The following FSTL4 variants were observed in gnomAD, a reference collection of about 807,000 sequenced individuals.
FSTL4 encodes the protein follistatin like 4.
FSTL4 carries 28 observed loss-of-function variants against 78.2 expected under a neutral mutation model. The observed-to-expected ratio is 0.36, with a 90% CI of 0.27 to 0.49. The LOEUF is 0.49. Ranked by LOEUF, FSTL4 falls within the 20% of genes least tolerant of loss-of-function variation. FSTL4 has a pLI of 0.98. For missense variants in FSTL4, 922 were observed against 1,084.9 expected, an observed-to-expected ratio of 0.85 and a Z score of 2.11; for synonymous variants, 422 against 440.5, an observed-to-expected ratio of 0.96 and a Z score of 0.53.
intron 3 of FSTL4, among the ~76,000 whole-genome samples, chr5:133,517,447 A>AAAAAAAAATATATATATATATAT (rs1554068019): frequency 6.1e-5 from 1 of 16,402 alleles, no homozygotes; most frequent in Non-Finnish European, 1.0e-4. Flanking sequence ...AAAAAAAAAA[A>AAAAAAAAATATATATATATATAT]ATATATATAT....
chr5:133,464,415 A>G (rs1757659028), intron 3 of FSTL4, among the ~76,000 whole-genome samples: 1 of 152,070 alleles, frequency 6.6e-6, no homozygotes, highest in Admixed American at 6.5e-5. Flanking sequence ...CCCAAACAAA[A>G]CCATAGCCCA....
intron 7 of FSTL4, chr5:133,247,306 A>C (rs148041646): frequency 3.2e-4 from 49 of 152,374 alleles, no homozygotes; most frequent in African/African-American, 1.1e-3. Flanking sequence ...AAAAGTAGAA[A>C]TGCAATTGAG....
rs183682714 is a variant in FSTL4, at chr5:133,502,904, C to T, written c.160+64282G>A. ...ACTCTCACACAGCACTGAATTCTTTCGATTGATTTTAACTTTGTAAGTCCC... is the reference window on the plus strand; with the variant it reads ...ACTCTCACACAGCACTGAATTCTTTTGATTGATTTTAACTTTGTAAGTCCC... On this transcript the variant is annotated intron_variant, in intron 3 of 15. Coordinates refer to ENST00000265342, the MANE Select transcript of FSTL4 (RefSeq NM_015082.2). Among the ~76,000 whole-genome samples, 19 of 152,246 alleles carry T rather than the reference C, an allele frequency of 1.2e-4. No homozygotes were observed. In the East Asian group the frequency reaches 3.1e-3, roughly 25 times the overall value.
At chr5:133,555,576 T>C (rs978085435) in intron 3 of FSTL4, among the ~76,000 whole-genome samples, 2 of 152,224 alleles carry the variant, frequency 1.3e-5, no homozygotes, top group Admixed American at 6.5e-5. Context: ...CCGGTTACAC[T>C]ATTTGAATGT....
intron 3 of FSTL4, among the ~76,000 whole-genome samples, chr5:133,464,854 T>G (rs1321763100): frequency 2.6e-5 from 4 of 152,180 alleles, no homozygotes; most frequent in Admixed American, 6.5e-5. Flanking sequence ...CAACTAGTAA[T>G]TTAAGTGGGA....
At chr5:133,746,284 C>A in the FSTL4 span, among the ~76,000 whole-genome samples, 1 of 152,128 alleles carries the variant, frequency 6.6e-6, no homozygotes, top group African/African-American at 2.4e-5. Flanking sequence ...CACTTTAGTA[C>A]GTGTGTGATT....
intron 3 of FSTL4, among the ~76,000 whole-genome samples, chr5:133,558,484 C>G (rs1759842113): frequency 6.6e-6 from 1 of 152,176 alleles, no homozygotes; most frequent in Non-Finnish European, 1.5e-5. Flanking sequence ...GGTCTCCCCA[C>G]TATTGGCTGC....
At position 133,201,952 on chromosome 5, in the gene FSTL4, G is replaced by A. The variant is rs61741673; in HGVS notation, c.1807C>T (p.Leu603Phe). 450 of 1,605,614 alleles carry A rather than the reference G, an allele frequency of 2.8e-4. No homozygotes were observed. The African/African-American group carries it at 4.5e-3, about 16-fold the overall frequency. ...TCTCACCTGATGTGGTTGATGATGA[G>A]GTTTGTTGGGGGAATGAAGAAATCA... Reference protein sequence around the residue: ...VDDFFIPPTNLIINHIRFGFI... With the variant: ...VDDFFIPPTNFIINHIRFGFI... The change falls in exon 15 of 16, where the codon CTC becomes TTC. Residue 603 changes from leucine (L) to phenylalanine (F), a missense_variant. Physicochemically the swap from Leu to Phe is conservative, Grantham distance 22. Coordinates refer to ENST00000265342, the MANE Select transcript of FSTL4 (RefSeq NM_015082.2).
At chr5:133,463,852 G>C (rs1428782440) in intron 3 of FSTL4, among the ~76,000 whole-genome samples, 2 of 152,220 alleles carry the variant, frequency 1.3e-5, no homozygotes, top group Non-Finnish European at 2.9e-5. Flanking sequence ...CTGAAGGCAG[G>C]CTGGAGAATA....
intron 6 of FSTL4, among the ~76,000 whole-genome samples, chr5:133,306,929 G>A (rs1026528303): frequency 6.6e-5 from 10 of 152,164 alleles, no homozygotes; most frequent in South Asian, 4.1e-4. Flanking sequence ...TACCCTCACC[G>A]CCGCCATCAT....
chr5:133,662,721 C>G, the FSTL4 span, among the ~76,000 whole-genome samples: 4 of 152,118 alleles, frequency 2.6e-5, no homozygotes, highest in African/African-American at 9.7e-5. Context: ...GGGAGCTCCC[C>G]AGGGCTGTGC....
At chr5:133,670,472 C>T in the FSTL4 span, among the ~76,000 whole-genome samples, 1 of 152,236 alleles carries the variant, frequency 6.6e-6, no homozygotes, top group Non-Finnish European at 1.5e-5. Context: ...ACTGGGGCAT[C>T]ATTTCCAGGG....
chr5:133,268,125 G>A (rs890832049), intron 6 of FSTL4, among the ~76,000 whole-genome samples: 1 of 152,184 alleles, frequency 6.6e-6, no homozygotes, highest in Non-Finnish European at 1.5e-5. Flanking sequence ...AGTTCACTTG[G>A]AAAATCAAGG....
intron 3 of FSTL4, among the ~76,000 whole-genome samples, chr5:133,459,006 G>A (rs370180152): frequency 4.6e-5 from 7 of 152,202 alleles, no homozygotes; most frequent in Middle Eastern, 3.4e-3. Flanking sequence ...TGGTGCTGAT[G>A]GATGGCTCAG....
At chr5:133,384,482 C>T (rs1484201696) in intron 4 of FSTL4, among the ~76,000 whole-genome samples, 3 of 152,206 alleles carry the variant, frequency 2.0e-5, no homozygotes, top group African/African-American at 7.2e-5. Context: ...CGAGGACTGG[C>T]TAAGGATGGA....
intron 3 of FSTL4, among the ~76,000 whole-genome samples, chr5:133,416,425 T>C (rs895284555): frequency 1.3e-5 from 2 of 152,214 alleles, no homozygotes; most frequent in African/African-American, 4.8e-5. Flanking sequence ...ACAGTACTAG[T>C]TAATTCTGAT....
intron 3 of FSTL4, among the ~76,000 whole-genome samples, chr5:133,421,532 G>A (rs1199731579): frequency 1.3e-5 from 2 of 152,210 alleles, no homozygotes; most frequent in Non-Finnish European, 2.9e-5. Context: ...TGAGCTCTTC[G>A]CTTGCCCTTG....
chr5:133,816,635 A>G, the FSTL4 span, among the ~76,000 whole-genome samples: 2 of 152,248 alleles, frequency 1.3e-5, no homozygotes, highest in African/African-American at 2.4e-5. Context: ...AGGTTTGGCC[A>G]TTGAGTAACA....
At chr5:133,341,140 T>C (rs1275810437) in intron 4 of FSTL4, among the ~76,000 whole-genome samples, 1 of 151,738 alleles carries the variant, frequency 6.6e-6, no homozygotes, top group East Asian at 1.9e-4. Context: ...TGTGCAGACA[T>C]GACCTCCCTT....
Sources: gnomAD v4.1 joint callset for allele counts (sites outside exome capture counted in the v4.1 genomes callset) on GRCh38, gnomAD v4.1.1 for gene constraint, MANE v1.5 for transcripts, NCBI Gene and HGNC (gene_info 2026-07-23, HGNC 2026-07-21) for gene names.